The following OSBPL9 variants were observed in gnomAD, a reference collection of about 807,000 sequenced individuals.
OSBPL9 encodes oxysterol-binding protein-related protein 9.
Under a neutral mutation model 106.6 loss-of-function variants are expected in OSBPL9, and 40 were observed. That is an observed-to-expected ratio of 0.38 (90% confidence interval 0.29 to 0.49). OSBPL9 has a LOEUF of 0.49. Among genes scored for constraint, OSBPL9 ranks in the 20% least tolerant of loss-of-function variants. The pLI is 0.97. For missense variants in OSBPL9, 609 were observed against 887.2 expected (o/e 0.69, Z 3.98); for synonymous variants, 269 against 295.4 (o/e 0.91, Z 0.92).
intron 2 of OSBPL9, among the ~76,000 whole-genome samples, chr1:51,605,630 A>G (rs1211864205): frequency 6.6e-6 from 1 of 152,210 alleles, no homozygotes; most frequent in East Asian, 1.9e-4. Flanking sequence ...GGGAAGATAA[A>G]TGACACAAAA....
chr1:51,736,875 G>A (rs1157890087), intron 4 of OSBPL9, among the ~76,000 whole-genome samples: 1 of 152,140 alleles, frequency 6.6e-6, no homozygotes, highest in Non-Finnish European at 1.5e-5. Flanking sequence ...ACTGCAAGTA[G>A]CCTAACCAAC....
chr1:51,565,680 G>A, the OSBPL9 span: 3 of 152,140 alleles, frequency 2.0e-5, no homozygotes, highest in Non-Finnish European at 4.4e-5. Flanking sequence ...GTTAGAAAAA[G>A]GTGGTGCTCC....
At chr1:51,600,501 T>C (rs1335990700) in intron 2 of OSBPL9, among the ~76,000 whole-genome samples, 1 of 152,018 alleles carries the variant, frequency 6.6e-6, no homozygotes, top group African/African-American at 2.4e-5. Context: ...CTGGATTCAT[T>C]ATTATATATT....
At chr1:51,742,883 TTCTCA>T (rs1171745100) in intron 4 of OSBPL9, among the ~76,000 whole-genome samples, 2 of 152,224 alleles carry the variant, frequency 1.3e-5, no homozygotes, top group Non-Finnish European at 2.9e-5. Flanking sequence ...AGTAGTGGGT[TTCTCA>T]TCTCATGAGA....
At chr1:51,603,809 A>G (rs968415340) in intron 2 of OSBPL9, among the ~76,000 whole-genome samples, 4 of 152,112 alleles carry the variant, frequency 2.6e-5, no homozygotes, top group Non-Finnish European at 5.9e-5. Flanking sequence ...TATTTAGGAT[A>G]TGATATCAGT....
chr1:51,603,059 G>A (rs185329061), intron 2 of OSBPL9, among the ~76,000 whole-genome samples: 40 of 152,320 alleles, frequency 2.6e-4, no homozygotes, highest in African/African-American at 9.4e-4. Flanking sequence ...GGTGGTTGAA[G>A]TGGGAGAATC....
At chr1:51,723,620 C>T (rs115143538) in intron 4 of OSBPL9, among the ~76,000 whole-genome samples, 484 of 152,100 alleles carry the variant, frequency 3.2e-3, no homozygotes, top group Non-Finnish European at 5.3e-3. Flanking sequence ...AATCATAGCT[C>T]ATTGCAGCCT....
Position 51,597,506 on chromosome 1 carries a change from C to A in OSBPL9, c.-422-618C>A, listed in dbSNP as rs541038721. 1.0e-4 allele frequency among the ~76,000 whole-genome samples: 15 copies of A among 150,624 alleles called. No individual in the cohort carries two copies. In the South Asian group the frequency reaches 3.1e-3, roughly 31 times the overall value. ...GATAGATTGTATATATATATATACA[C>A]ACACACATATATATATACACACAAT... is the stretch of plus-strand genomic sequence containing the variant. On this transcript the variant is annotated intron_variant, in intron 1 of 25. Transcript: ENST00000371714.
At chr1:51,714,187 C>A in intron 4 of OSBPL9, 108 bp downstream of exon 4, 2 of 722,732 alleles carry the variant, frequency 2.8e-6, no homozygotes, top group Non-Finnish European at 4.4e-6. Flanking sequence ...GTAATAGGAA[C>A]TTATAATTTC....
chr1:51,663,048 A>G (rs1342858238), intron 2 of OSBPL9, among the ~76,000 whole-genome samples: 1 of 152,104 alleles, frequency 6.6e-6, no homozygotes, highest in Admixed American at 6.5e-5. Flanking sequence ...CTGGCCAATC[A>G]GTGATATTTC....
chr1:51,569,047 A>T, the OSBPL9 span, among the ~76,000 whole-genome samples: 1 of 152,036 alleles, frequency 6.6e-6, no homozygotes, highest in African/African-American at 2.4e-5. Flanking sequence ...CTTACCTCCC[A>T]TGTTACCACT....
chr1:51,649,438 G>C (rs1646370241), intron 1 of OSBPL9, among the ~76,000 whole-genome samples: 1 of 152,134 alleles, frequency 6.6e-6, no homozygotes, highest in African/African-American at 2.4e-5. Context: ...GTTCCTGTCT[G>C]CACCCTGTGC....
chr1:51,748,491 T>C, intron 7 of OSBPL9, 93 bp downstream of exon 7: 21 of 1,273,334 alleles, frequency 1.6e-5, no homozygotes, highest in Non-Finnish European at 2.0e-5. Flanking sequence ...ATGACAGCAA[T>C]TGAGATGTTA....
intron 1 of OSBPL9, among the ~76,000 whole-genome samples, chr1:51,596,650 T>G (rs932909752): frequency 2.0e-5 from 3 of 150,108 alleles, no homozygotes; most frequent in African/African-American, 7.4e-5. Context: ...CATGGTGGCA[T>G]GTGCCTGTAA....
At chr1:51,655,835 C>T (rs557385957) in intron 2 of OSBPL9, among the ~76,000 whole-genome samples, 3 of 152,266 alleles carry the variant, frequency 2.0e-5, no homozygotes, top group Admixed American at 6.5e-5. Context: ...AATTTTGTGA[C>T]GATTAGGTCC....
At chr1:51,736,396 GTTGTTTTAT>G (rs1299947407) in intron 4 of OSBPL9, among the ~76,000 whole-genome samples, 2 of 152,066 alleles carry the variant, frequency 1.3e-5, no homozygotes, top group African/African-American at 4.8e-5. Flanking sequence ...AGTCAGGGTC[GTTGTTTTAT>G]TTTGTTTGCC....
At chr1:51,607,161 TTTC>T (rs1284646034) in intron 2 of OSBPL9, among the ~76,000 whole-genome samples, 1 of 150,256 alleles carries the variant, frequency 6.7e-6, no homozygotes, top group Admixed American at 6.7e-5. Context: ...TTCTTTTCTT[TTTC>T]TTTTTTTTTT....
intron 8 of OSBPL9, among the ~76,000 whole-genome samples, chr1:51,754,288 A>G (rs917237839): frequency 1.3e-5 from 2 of 152,234 alleles, no homozygotes; most frequent in African/African-American, 4.8e-5. Context: ...TGAAATTGGG[A>G]AAAAGGCTAT....
At chr1:51,616,027 T>TTTTTTTTTTTTTGTGTG (rs1292732346), upstream of OSBPL9, among the ~76,000 whole-genome samples, 2 of 147,426 alleles carry the variant, frequency 1.4e-5, no homozygotes, top group African/African-American at 5.1e-5. Context: ...TTTTTTTTTT[T>TTTTTTTTTTTTTGTGTG]TGTGTGAGAG....
Sources: allele counts gnomAD v4.1 joint callset (sites outside exome capture counted in the v4.1 genomes callset), GRCh38; gene constraint gnomAD v4.1.1; transcripts MANE v1.5; gene names NCBI Gene and HGNC (gene_info 2026-07-23, HGNC 2026-07-21).